Variants in QTMAN observed in about 807,000 individuals in gnomAD.
QTMAN encodes the protein queuosine-tRNA mannosyltransferase.
the QTMAN span, among the ~76,000 whole-genome samples, chr2:144,035,934 A>C: frequency 1.3e-5 from 2 of 152,142 alleles, no homozygotes; most frequent in Non-Finnish European, 2.9e-5. Context: ...GGCACCCTAA[A>C]TCACCTATCC....
the QTMAN span, among the ~76,000 whole-genome samples, chr2:144,181,505 G>C: frequency 1.3e-5 from 2 of 152,050 alleles, no homozygotes; most frequent in African/African-American, 4.8e-5. Flanking sequence ...AATTTAACTG[G>C]TAAGAAATAA....
chr2:143,994,930 C>CTTT, the QTMAN span, among the ~76,000 whole-genome samples: 1 of 152,130 alleles, frequency 6.6e-6, no homozygotes, highest in Non-Finnish European at 1.5e-5. Flanking sequence ...CAGTAATGTG[C>CTTT]TTAAAAATAT....
chr2:143,978,918 G>A, the QTMAN span, among the ~76,000 whole-genome samples: 3 of 152,170 alleles, frequency 2.0e-5, no homozygotes, highest in Non-Finnish European at 4.4e-5. Flanking sequence ...TATCCTGAGA[G>A]CTGCCCCAGC....
chr2:144,095,001 T>C, the QTMAN span, among the ~76,000 whole-genome samples: 1 of 152,170 alleles, frequency 6.6e-6, no homozygotes, highest in Admixed American at 6.5e-5. Context: ...AGTCATCCAA[T>C]GATGCTGTGC....
At chr2:143,952,829 TAC>T in the QTMAN span, 1 of 1,606,798 alleles carries the variant, frequency 6.2e-7, no homozygotes, top group Non-Finnish European at 8.5e-7. Flanking sequence ...ACACCCACAG[TAC>T]ACAGCTTCCA....
chr2:144,098,721 A>T, the QTMAN span, among the ~76,000 whole-genome samples: 2 of 152,086 alleles, frequency 1.3e-5, no homozygotes, highest in Non-Finnish European at 2.9e-5. Flanking sequence ...TCTCAAAAAA[A>T]AAAAAAAGTA....
At chr2:144,026,173 C>T in the QTMAN span, among the ~76,000 whole-genome samples, 3 of 152,148 alleles carry the variant, frequency 2.0e-5, no homozygotes, top group Admixed American at 1.3e-4. Flanking sequence ...GTGGCTCACA[C>T]CTGCAATCCC....
the QTMAN span, among the ~76,000 whole-genome samples, chr2:144,183,023 G>T: frequency 3.4e-5 from 5 of 147,014 alleles, no homozygotes; most frequent in Non-Finnish European, 7.5e-5. Flanking sequence ...AGGTTTTCTT[G>T]TAAGCATTAT....
At chr2:144,328,820 T>G in the QTMAN span, among the ~76,000 whole-genome samples, 1 of 152,204 alleles carries the variant, frequency 6.6e-6, no homozygotes, top group Non-Finnish European at 1.5e-5. Context: ...ATTACCTCTA[T>G]GACTCTACAT....
chr2:143,978,080 T>G, the QTMAN span, among the ~76,000 whole-genome samples: 1 of 152,214 alleles, frequency 6.6e-6, no homozygotes, highest in Admixed American at 6.5e-5. Context: ...ACCTTAGCTA[T>G]GTTCCTCTTT....
At chr2:144,136,678 T>C in the QTMAN span, among the ~76,000 whole-genome samples, 3 of 152,172 alleles carry the variant, frequency 2.0e-5, no homozygotes, top group African/African-American at 4.8e-5. Flanking sequence ...GGTTGCAAGA[T>C]TACTCCCTTT....
the QTMAN span, among the ~76,000 whole-genome samples, chr2:144,104,176 G>A: frequency 1.1e-3 from 166 of 152,146 alleles, no homozygotes; most frequent in Admixed American, 2.4e-3. Context: ...AGCTCCCAGC[G>A]TGAGCAATGC....
chr2:143,999,255 T>C, the QTMAN span, among the ~76,000 whole-genome samples: 4 of 152,120 alleles, frequency 2.6e-5, no homozygotes, highest in Admixed American at 6.5e-5. Context: ...CTTCGGTGCG[T>C]GGACATTCAC....
the QTMAN span, among the ~76,000 whole-genome samples, chr2:144,170,248 A>G: frequency 2.6e-5 from 4 of 152,214 alleles, no homozygotes; most frequent in Admixed American, 6.5e-5. Flanking sequence ...CTTTGTCAAT[A>G]ACTGTGAAGA....
At chr2:144,195,871 T>A in the QTMAN span, among the ~76,000 whole-genome samples, 1 of 152,128 alleles carries the variant, frequency 6.6e-6, no homozygotes, top group Non-Finnish European at 1.5e-5. Context: ...AATAACTGCA[T>A]AATCCTAAAA....
chr2:144,251,910 G>A, the QTMAN span, among the ~76,000 whole-genome samples: 1 of 152,072 alleles, frequency 6.6e-6, no homozygotes, highest in African/African-American at 2.4e-5. Flanking sequence ...TTAAAAATGG[G>A]CAAGGCCAGG....
At chr2:144,141,854 T>G in the QTMAN span, 2 of 1,508,886 alleles carry the variant, frequency 1.3e-6, no homozygotes, top group Admixed American at 1.8e-5. Flanking sequence ...TATGACACAA[T>G]ATTGAGAACA....
the QTMAN span, among the ~76,000 whole-genome samples, chr2:144,085,714 G>C: frequency 3.9e-5 from 6 of 152,110 alleles, no homozygotes; most frequent in Admixed American, 2.0e-4. Context: ...CAGTTCTCAG[G>C]TGTTTCTTAT....
At chr2:143,959,523 T>C in the QTMAN span, among the ~76,000 whole-genome samples, 1 of 152,112 alleles carries the variant, frequency 6.6e-6, no homozygotes, top group African/African-American at 2.4e-5. Context: ...GAAATGTATA[T>C]GAAGCACCTA....
Sources: gnomAD v4.1 joint callset for allele counts (sites outside exome capture counted in the v4.1 genomes callset) on GRCh38, gnomAD v4.1.1 for gene constraint, MANE v1.5 for transcripts, NCBI Gene and HGNC (gene_info 2026-07-23, HGNC 2026-07-21) for gene names.